Variants in EPRS1 observed in about 807,000 individuals in gnomAD.
EPRS1 encodes the protein glutamyl-prolyl-tRNA synthetase 1.
Under a neutral mutation model 188.3 loss-of-function variants are expected in EPRS1, and 107 were observed. The observed-to-expected ratio is 0.57, with a 90% CI of 0.49 to 0.67. The LOEUF (loss-of-function observed/expected upper bound fraction) is 0.67, where lower values mean the gene tolerates loss of function less well. EPRS1 is among the 30% of genes least tolerant of loss of function. The pLI, the probability that EPRS1 is intolerant of heterozygous loss-of-function variation, is 0.00. For missense variants in EPRS1, 1,577 were observed against 1,802.2 expected (o/e 0.88, Z 2.26); for synonymous variants, 596 against 593.1 (o/e 1.00, Z -0.07).
chr1:219,971,799 T>G, intron 30 of EPRS1, among the ~76,000 whole-genome samples: 1 of 116,862 alleles, frequency 8.6e-6, no homozygotes, highest in African/African-American at 3.0e-5. Flanking sequence ...TATATATACA[T>G]ATACACACAC....
Position 220,006,236 on chromosome 1 carries a change from A to G in EPRS1, c.1820T>C (p.Val607Ala). 1 of 1,601,720 alleles carries G rather than the reference A, an allele frequency of 6.2e-7. No homozygotes were observed. Among genetic ancestry groups the G allele is most frequent in the Non-Finnish European group, 8.5e-7 (1 of 1,172,856 alleles). ...ENKDYKKTTK[V>A]TWLAETTHAL... is the part of the protein sequence containing the mutation. ...ATGTGTAGTCTCTGCAAGCCAAGTGACCTTAGTGGTTTTCTTGTAGTCTTT... is the reference window on the plus strand; with the variant it reads ...ATGTGTAGTCTCTGCAAGCCAAGTGGCCTTAGTGGTTTTCTTGTAGTCTTT... Residue 607 changes from valine to alanine, a missense_variant, in exon 15 of 32, where the codon GTC becomes GCC. This residue lies in a region of EPRS1 where 1,278 missense variants were observed against 1,457.4 expected (regional missense o/e 0.88). Transcript: ENST00000366923.
intron 12 of EPRS1, chr1:220,018,039 G>T: frequency 1.5e-6 from 1 of 659,080 alleles, no homozygotes; most frequent in Non-Finnish European, 2.3e-6. Context: ...AAATGTGATT[G>T]TGCTTCAAAG....
chr1:220,004,889 T>C (rs76323950), intron 16 of EPRS1, among the ~76,000 whole-genome samples: 1,985 of 152,230 alleles, frequency 0.013, 42 homozygotes, highest in African/African-American at 0.046. Flanking sequence ...ATGCTGTTTG[T>C]ACCATTTATC....
intron 10 of EPRS1, among the ~76,000 whole-genome samples, chr1:220,019,539 A>T (rs1661818719): frequency 6.6e-6 from 1 of 152,216 alleles, no homozygotes; most frequent in African/African-American, 2.4e-5. Context: ...GGATCTGCAA[A>T]CCTCAGTAAG....
Position 220,018,447 on chromosome 1 carries a change from A to G in EPRS1, c.1494+2T>C. ...AAGAAGGCAGAGAGTTAACATACAT[A>G]CCTTTTTGTTAAACGCCCAGATTTT... On this transcript the variant is annotated splice_donor_variant, in intron 12 of 31. Coordinates refer to ENST00000366923, the MANE Select transcript of EPRS1 (RefSeq NM_004446.3). LOFTEE classifies it high-confidence loss of function. 6.2e-7 allele frequency: 1 copy of G among 1,605,036 alleles called. No homozygotes were observed. Among genetic ancestry groups the G allele is most frequent in the South Asian group, 1.1e-5 (1 of 90,850 alleles).
At position 219,968,871 on chromosome 1, in the gene EPRS1, C is replaced by T; in HGVS notation, c.4474G>A (p.Gly1492Arg). 1 of 1,614,152 alleles carries T rather than the reference C, an allele frequency of 6.2e-7. No individual in the cohort carries two copies. Among genetic ancestry groups the T allele is most frequent in the South Asian group, 1.1e-5 (1 of 91,084 alleles). ...TTCTTGCCACAGACACATTTGGCTC[C>T]AGGCTGCAGTTCACAGAGTGGTTTG... ...PFKPLCELQPGAKCVCGKNPA... is the reference protein window; with the variant it reads ...PFKPLCELQPRAKCVCGKNPA... The change falls in exon 32 of 32, where the codon GGA becomes AGA. Residue 1492 changes from glycine (G) to arginine (R), a missense_variant. Physicochemically the swap from Gly to Arg is moderately radical, Grantham distance 125. Transcript: ENST00000366923.
Position 219,982,841 on chromosome 1 carries a change from C to A in EPRS1, c.3304G>T (p.Ala1102Ser), listed in dbSNP as rs1660925286. Residue 1102 changes from alanine to serine, a missense_variant, in exon 23 of 32, where the codon GCT becomes TCT. By Grantham distance (99) the Ala-to-Ser change is moderately conservative. Around this residue, in one of 3 missense-constraint regions of EPRS1, gnomAD observed 1,278 missense variants for 1,457.4 expected, o/e 0.88. Transcript: ENST00000366923. ...GTTTTGCCAGATCTTGTAACCCAAGCAACCTAGTAAGAAAAAATCATTTTT... is the reference window on the plus strand; with the variant it reads ...GTTTTGCCAGATCTTGTAACCCAAGAAACCTAGTAAGAAAAAATCATTTTT... ...THVADFAPEVAWVTRSGKTEL... is the reference protein window; with the variant it reads ...THVADFAPEVSWVTRSGKTEL... The A allele has an allele frequency of 6.2e-7, 1 of 1,613,610 alleles. No individual in the cohort carries two copies. Among genetic ancestry groups the A allele is most frequent in the South Asian group, 1.1e-5 (1 of 91,076 alleles).
At chr1:220,030,331 TTAAAGCTTTCCCAC>T in intron 6 of EPRS1, 41 bp downstream of exon 6, 1 of 1,188,580 alleles carries the variant, frequency 8.4e-7, no homozygotes, top group South Asian at 1.2e-5. Context: ...AATCACTGTT[TTAAAGCTTTCCCAC>T]TAAATATATT....
At chr1:220,011,105 C>T (rs981414475) in intron 12 of EPRS1, 49 bp from the exon 13 acceptor site, 13 of 1,056,090 alleles carry the variant, frequency 1.2e-5, no homozygotes, top group African/African-American at 1.6e-5. Flanking sequence ...TCTTATAGAG[C>T]GCCATAAGCA....
At chr1:220,045,719 C>T (rs952805216) in intron 1 of EPRS1, among the ~76,000 whole-genome samples, 1 of 152,114 alleles carries the variant, frequency 6.6e-6, no homozygotes, top group African/African-American at 2.4e-5. Flanking sequence ...TAAAAGCAAC[C>T]GCATCAGTCT....
At chr1:219,990,982 G>T (rs1310969496) in intron 18 of EPRS1, among the ~76,000 whole-genome samples, 1 of 152,126 alleles carries the variant, frequency 6.6e-6, no homozygotes, top group Non-Finnish European at 1.5e-5. Context: ...AATAATTGCT[G>T]ATGTGGATTA....
At chr1:219,996,371 A>AC (rs1661231770) in intron 18 of EPRS1, among the ~76,000 whole-genome samples, 1 of 152,084 alleles carries the variant, frequency 6.6e-6, no homozygotes, top group South Asian at 2.1e-4. Flanking sequence ...GCTGACCTCT[A>AC]CCTCTGCTGG....
At chr1:219,970,881 C>T (rs12032898) in intron 30 of EPRS1, among the ~76,000 whole-genome samples, 69,635 of 151,228 alleles carry the variant, frequency 0.46, 16,109 homozygotes, top group South Asian at 0.52. Context: ...GAAGGCTAAA[C>T]ACTGAAGAAT....
rs552360921 is a variant in EPRS1 at position 220,035,950 on chromosome 1, G to A, written c.132-937C>T. 4.7e-5 allele frequency among the ~76,000 whole-genome samples: 7 copies of A among 150,230 alleles called. No individual in the cohort carries two copies. In the South Asian group the frequency reaches 1.1e-3, roughly 23 times the overall value. On this transcript the variant is annotated intron_variant, in intron 2 of 31. Coordinates refer to ENST00000366923, the MANE Select transcript of EPRS1 (RefSeq NM_004446.3). The stretch of plus-strand genomic sequence containing the variant: ...TGTGGTGGCTCATGCCTGTAATCCC[G>A]GCACTTCGGGAGGCCGAGGTGGACA...
chr1:220,027,589 C>CAAAAAA (rs374947643), intron 6 of EPRS1, among the ~76,000 whole-genome samples: 15 of 78,522 alleles, frequency 1.9e-4, no homozygotes, highest in East Asian at 3.8e-4. Context: ...GAGGCTATGT[C>CAAAAAA]AAAAAAAAAA....
Position 220,007,180 on chromosome 1 carries a change from AAAAC to A in EPRS1, c.1742+18_1742+21del. On this transcript the variant is annotated intron_variant, in intron 14 of 31. Transcript: ENST00000366923. The stretch of plus-strand genomic sequence containing the variant: ...AATACTTTTCTCCTATGTTTATTTG[AAAAC>A]AAACAAAAAGTTCTTACTTGTGTAT... 2 of 1,588,996 alleles carry A rather than the reference AAAAC, an allele frequency of 1.3e-6. No individual in the cohort carries two copies. The highest frequency in any genetic ancestry group is 1.7e-6 in the Non-Finnish European group (2 of 1,164,918).
intron 26 of EPRS1, 79 bp from the exon 27 acceptor site, chr1:219,979,694 G>T: frequency 1.1e-6 from 1 of 941,952 alleles, no homozygotes; most frequent in Non-Finnish European, 1.6e-6. Context: ...AAGATCACAT[G>T]CTTTAAAATG....
At chr1:219,969,273 G>T in intron 30 of EPRS1, 151 bp from the exon 31 acceptor site, 1 of 620,496 alleles carries the variant, frequency 1.6e-6, no homozygotes, top group Non-Finnish European at 2.9e-6. Flanking sequence ...AAACCTACTA[G>T]GAACTTTGCT....
intron 30 of EPRS1, among the ~76,000 whole-genome samples, chr1:219,971,783 A>G (rs967158637): frequency 1.6e-5 from 1 of 62,198 alleles, no homozygotes; most frequent in African/African-American, 5.4e-5. Context: ...GAAAACAAAG[A>G]CTATATATAT....
Sources: gnomAD v4.1 joint callset for allele counts (sites outside exome capture counted in the v4.1 genomes callset) on GRCh38, gnomAD v4.1.1 for gene constraint, gnomAD v4.1.1 regional missense constraint, MANE v1.5 for transcripts, NCBI Gene and HGNC (gene_info 2026-07-23, HGNC 2026-07-21) for gene names.